CHST8: variants seen among roughly 807,000 people sequenced by gnomAD.
The protein encoded by CHST8 is carbohydrate sulfotransferase 8, also known as GALNAC-4-ST1.
Under a neutral mutation model 15.0 loss-of-function variants are expected in CHST8, and 10 were observed. The observed-to-expected ratio is 0.67, with a 90% CI of 0.41 to 1.13. The LOEUF is 1.13. Ranked by LOEUF, CHST8 falls within the 50% of genes most tolerant of loss-of-function variation. CHST8 has a pLI of 0.00. For synonymous variants in CHST8, 259 were observed against 256.6 expected, an observed-to-expected ratio of 1.01 and a Z score of -0.09; for missense variants, 634 against 608.2, an observed-to-expected ratio of 1.04 and a Z score of -0.45.
chr19:33,655,982 C>T (rs1412868045), intron 1 of CHST8, among the ~76,000 whole-genome samples: 2 of 152,072 alleles, frequency 1.3e-5, no homozygotes, highest in East Asian at 3.8e-4. Context: ...TATTATCTTT[C>T]TTCTTTACGA....
In CHST8 at chr19:33,722,737, G is replaced by T. The variant is rs112107852; in HGVS notation, c.130+33346G>T. On this transcript the variant is annotated intron_variant, in intron 3 of 4. Transcript: ENST00000650847. ...CCACCCCGAGCGTAACTCCCATCAC[G>T]GGCCTTGGGAAGCTGGAACAGCCTA... is the stretch of plus-strand genomic sequence containing the variant. Among the ~76,000 whole-genome samples, 638 of 152,170 alleles carry T rather than the reference G, an allele frequency of 4.2e-3. 6 individuals are homozygous for T. Among genetic ancestry groups the T allele is most frequent in the African/African-American group, 0.014 (576 of 41,526 alleles).
chr19:33,724,936 C>A (rs1973865725), intron 3 of CHST8, among the ~76,000 whole-genome samples: 1 of 152,214 alleles, frequency 6.6e-6, no homozygotes, highest in Non-Finnish European at 1.5e-5. Flanking sequence ...ACCAGCAGAT[C>A]CCTGGAGGAT....
intron 3 of CHST8, among the ~76,000 whole-genome samples, chr19:33,741,604 A>G (rs892577870): frequency 2.0e-5 from 3 of 152,044 alleles, no homozygotes; most frequent in Non-Finnish European, 2.9e-5. Context: ...TTCTGGTGGG[A>G]CTTGCGTGTC....
intron 3 of CHST8, among the ~76,000 whole-genome samples, chr19:33,768,948 G>A (rs1974910229): frequency 6.6e-6 from 1 of 152,188 alleles, no homozygotes; most frequent in Non-Finnish European, 1.5e-5. Context: ...TGGCTTTATG[G>A]ACACATGTAA....
chr19:33,646,136 A>T (rs1457621188), intron 1 of CHST8, among the ~76,000 whole-genome samples: 2 of 144,864 alleles, frequency 1.4e-5, no homozygotes, highest in Non-Finnish European at 3.0e-5. Flanking sequence ...TCAAAAAAAA[A>T]CAAAAGTTTA....
chr19:33,738,179 C>T (rs778485936), intron 3 of CHST8, among the ~76,000 whole-genome samples: 1 of 152,206 alleles, frequency 6.6e-6, no homozygotes, highest in Non-Finnish European at 1.5e-5. Flanking sequence ...CCCCCGTTCA[C>T]TATCGGCCTC....
At chr19:33,728,039 C>T (rs186614441) in intron 3 of CHST8, among the ~76,000 whole-genome samples, 19 of 152,386 alleles carry the variant, frequency 1.2e-4, no homozygotes, top group African/African-American at 4.1e-4. Flanking sequence ...CAAGTGCCTT[C>T]GCTCCCACGG....
intron 3 of CHST8, among the ~76,000 whole-genome samples, chr19:33,767,962 C>A (rs1177707679): frequency 6.6e-6 from 1 of 152,094 alleles, no homozygotes; most frequent in Non-Finnish European, 1.5e-5. Context: ...CCCATAAGTG[C>A]CCCCCACGGC....
intron 1 of CHST8, among the ~76,000 whole-genome samples, chr19:33,627,156 A>G (rs1972066623): frequency 6.7e-6 from 1 of 150,306 alleles, no homozygotes; most frequent in Non-Finnish European, 1.5e-5. Flanking sequence ...TGGAGTGTAC[A>G]GTGGTGTGAT....
intron 1 of CHST8, among the ~76,000 whole-genome samples, chr19:33,649,064 C>T (rs144010621): frequency 7.9e-5 from 12 of 151,832 alleles, no homozygotes; most frequent in Admixed American, 1.3e-4. Context: ...CAACTAAGCC[C>T]GGCTAATTTT....
intron 3 of CHST8, among the ~76,000 whole-genome samples, chr19:33,768,323 C>T (rs1481824440): frequency 6.6e-6 from 1 of 152,168 alleles, no homozygotes; most frequent in African/African-American, 2.4e-5. Flanking sequence ...ACCTATAATT[C>T]CAGCCCTTTG....
intron 1 of CHST8, among the ~76,000 whole-genome samples, chr19:33,651,844 T>G (rs7251182): frequency 0.016 from 2,490 of 152,296 alleles, 57 homozygotes; most frequent in African/African-American, 0.05. Context: ...TGTCCCATTA[T>G]GTTGGAAATA....
intron 3 of CHST8, among the ~76,000 whole-genome samples, chr19:33,724,989 A>C (rs563353250): frequency 6.6e-6 from 1 of 152,270 alleles, no homozygotes; most frequent in African/African-American, 2.4e-5. Context: ...GTGAGGGCAC[A>C]GAGCTCCCGG....
chr19:33,665,178 T>C (rs1214532636), intron 1 of CHST8, among the ~76,000 whole-genome samples: 1 of 152,238 alleles, frequency 6.6e-6, no homozygotes, highest in African/African-American at 2.4e-5. Context: ...CTGTTCTTCA[T>C]AGTGGCTGTA....
At chr19:33,768,951 A>G (rs146983248) in intron 3 of CHST8, among the ~76,000 whole-genome samples, 376 of 152,348 alleles carry the variant, frequency 2.5e-3, no homozygotes, top group African/African-American at 6.8e-3. Context: ...CTTTATGGAC[A>G]CATGTAAACA....
intron 2 of CHST8, among the ~76,000 whole-genome samples, chr19:33,679,769 T>C (rs1456414578): frequency 6.6e-6 from 1 of 152,218 alleles, no homozygotes; most frequent in African/African-American, 2.4e-5. Context: ...TTTCATCATC[T>C]GCAAAACAGA....
rs141611642 is a variant in CHST8, at chr19:33,755,662, G to C, written c.131-15751G>C. ...GAGGTGCCCAAAACACATGCCCGGT[G>C]CTCCAGACTGGAGCCTTAATTCCTC... On this transcript the variant is annotated intron_variant, in intron 3 of 4. Transcript: ENST00000650847. Among the ~76,000 whole-genome samples, 317 of 152,360 alleles carry C rather than the reference G, an allele frequency of 2.1e-3. 1 individual carries two copies. Among genetic ancestry groups the C allele is most frequent in the African/African-American group, 7.2e-3 (300 of 41,590 alleles).
intron 3 of CHST8, among the ~76,000 whole-genome samples, chr19:33,766,379 C>G (rs1335083238): frequency 6.6e-6 from 1 of 152,182 alleles, no homozygotes; most frequent in East Asian, 1.9e-4. Context: ...TCCCTCAGGC[C>G]TCTCTCCCCC....
intron 3 of CHST8, among the ~76,000 whole-genome samples, chr19:33,748,086 A>G (rs1347449509): frequency 6.6e-6 from 1 of 152,174 alleles, no homozygotes; most frequent in African/African-American, 2.4e-5. Context: ...CCCTCCTGCC[A>G]AGGACCCAGG....
Sources: allele counts gnomAD v4.1 joint callset (sites outside exome capture counted in the v4.1 genomes callset), GRCh38; gene constraint gnomAD v4.1.1; transcripts MANE v1.5; gene names NCBI Gene and HGNC (gene_info 2026-07-23, HGNC 2026-07-21).